ITPR2: variants seen among roughly 807,000 people sequenced by gnomAD.
ITPR2 encodes inositol 1,4,5-trisphosphate-gated calcium channel ITPR2.
ITPR2 carries 207 observed loss-of-function variants against 317.1 expected under a neutral mutation model. The observed-to-expected ratio is 0.65, with a 90% CI of 0.58 to 0.73. ITPR2 has a LOEUF of 0.73. Among genes scored for constraint, ITPR2 ranks in the 30% least tolerant of loss-of-function variants. ITPR2 has a pLI of 0.00. For missense variants in ITPR2, 2,613 were observed against 3,284.0 expected, an observed-to-expected ratio of 0.80 and a Z score of 4.99; for synonymous variants, 1,156 against 1,149.1, an observed-to-expected ratio of 1.01 and a Z score of -0.12.
intron 9 of ITPR2, among the ~76,000 whole-genome samples, chr12:26,707,298 A>G (rs1170874965): frequency 6.6e-6 from 1 of 152,226 alleles, no homozygotes. Context: ...ATCATTCCCA[A>G]TTCTTGCATT....
At chr12:26,513,094 G>T (rs562418941) in intron 37 of ITPR2, among the ~76,000 whole-genome samples, 6 of 152,114 alleles carry the variant, frequency 3.9e-5, no homozygotes, top group Non-Finnish European at 8.8e-5. Context: ...ACCCGCCTAG[G>T]CCTCCCAAAG....
chr12:26,832,656 C>A, intron 1 of ITPR2, 34 bp downstream of exon 1: 1 of 1,495,662 alleles, frequency 6.7e-7, no homozygotes, highest in Non-Finnish European at 9.2e-7. Flanking sequence ...GGACCCGGAG[C>A]GCGAGCGCTG....
chr12:26,704,980 T>C (rs1948523695), intron 9 of ITPR2, among the ~76,000 whole-genome samples: 1 of 152,194 alleles, frequency 6.6e-6, no homozygotes, highest in South Asian at 2.1e-4. Flanking sequence ...AAATTATAAA[T>C]ATGTCTGTTA....
At chr12:26,592,468 C>T (rs893082006) in intron 32 of ITPR2, among the ~76,000 whole-genome samples, 6 of 152,128 alleles carry the variant, frequency 3.9e-5, no homozygotes, top group East Asian at 1.9e-4. Flanking sequence ...ATCCCATTTA[C>T]CTTGATGTGT....
Position 26,722,439 on chromosome 12 carries a change from A to T in ITPR2, c.483T>A (p.Phe161Leu), listed in dbSNP as rs1042977981. 3.7e-6 allele frequency: 6 copies of T among 1,612,804 alleles called. No homozygotes were observed. Among genetic ancestry groups the T allele is most frequent in the Non-Finnish European group, 5.1e-6 (6 of 1,179,290 alleles). ...TCAGTTTCCAGAACGGATGAATATA[A>T]AACCAAGACCCTTCATTTCCTGCAG... The part of the protein sequence containing the change: ...LDAAGNEGSW[F>L]YIHPFWKLRS... The change falls in exon 5 of 57, where the codon TTT becomes TTA. Residue 161 changes from phenylalanine (F) to leucine (L), a missense_variant. This residue lies in a region of ITPR2 where 515 missense variants were observed against 789.4 expected (regional missense o/e 0.65). Transcript: ENST00000381340.
chr12:26,613,245 A>G lies in ITPR2; in HGVS notation c.3462+7878T>C, dbSNP rs538896246. On this transcript the variant is annotated intron_variant, in intron 26 of 56. Transcript: ENST00000381340. ...GAAACATGACAGTTCATTAAGTGTGACCATTCATGTTGCCCCAAACCCAGC... is the reference window on the plus strand; with the variant it reads ...GAAACATGACAGTTCATTAAGTGTGGCCATTCATGTTGCCCCAAACCCAGC... Among the ~76,000 whole-genome samples the G allele has an allele frequency of 2.4e-4, 37 of 152,282 alleles. 1 individual carries two copies. The South Asian group carries it at 7.5e-3, about 31-fold the overall frequency.
intron 2 of ITPR2, among the ~76,000 whole-genome samples, chr12:26,737,298 A>T (rs1321250622): frequency 6.6e-6 from 1 of 150,558 alleles, no homozygotes; most frequent in Non-Finnish European, 1.5e-5. Context: ...TCGCTCTGTC[A>T]CCCAGGCTGG....
intron 37 of ITPR2, among the ~76,000 whole-genome samples, chr12:26,521,749 C>G (rs773698220): frequency 5.9e-5 from 9 of 152,116 alleles, no homozygotes; most frequent in Non-Finnish European, 1.0e-4. Flanking sequence ...GGAAAGGAAA[C>G]AACAACAACA....
At chr12:26,608,403 G>T (rs77199979) in intron 26 of ITPR2, among the ~76,000 whole-genome samples, 6 of 152,150 alleles carry the variant, frequency 3.9e-5, no homozygotes, top group Admixed American at 2.6e-4. Flanking sequence ...CCTCTCCCCG[G>T]GCCCCCCACC....
rs539327094 is a variant in ITPR2 at position 26,461,344 on chromosome 12, G to C, written c.6342+13952C>G. Among the ~76,000 whole-genome samples, 29 of 152,182 alleles carry C rather than the reference G, an allele frequency of 1.9e-4. No homozygotes were observed. In the South Asian group the frequency reaches 5.6e-3, roughly 29 times the overall value. ...GATTATAAAAATAATCTACAGAAGGGTTTGGCCAACTACATACAGCTCCTA... is the reference window on the plus strand; with the variant it reads ...GATTATAAAAATAATCTACAGAAGGCTTTGGCCAACTACATACAGCTCCTA... On this transcript the variant is annotated intron_variant, in intron 45 of 56. Transcript: ENST00000381340.
At chr12:26,652,965 G>A (rs777774055) in intron 21 of ITPR2, among the ~76,000 whole-genome samples, 1 of 152,236 alleles carries the variant, frequency 6.6e-6, no homozygotes, top group Non-Finnish European at 1.5e-5. Context: ...GACAGGCACT[G>A]TTGAAAGTCC....
chr12:26,469,442 A>G (rs145300848), intron 45 of ITPR2, among the ~76,000 whole-genome samples: 47 of 151,646 alleles, frequency 3.1e-4, no homozygotes, highest in African/African-American at 1.1e-3. Context: ...CCCCACCCCC[A>G]TGGTATCCTG....
chr12:26,521,646 G>C (rs1483197413), intron 37 of ITPR2, among the ~76,000 whole-genome samples: 3 of 152,128 alleles, frequency 2.0e-5, no homozygotes, highest in African/African-American at 7.2e-5. Context: ...TTCGTAAAAA[G>C]AGTGGGAGGG....
chr12:26,653,894 G>T, intron 21 of ITPR2, 82 bp downstream of exon 21: 2 of 1,145,764 alleles, frequency 1.7e-6, no homozygotes, highest in Non-Finnish European at 2.6e-6. Flanking sequence ...GTACACAATA[G>T]CAACCCCTTC....
intron 47 of ITPR2, 64 bp from the exon 48 acceptor site, chr12:26,436,410 C>T: frequency 1.4e-6 from 2 of 1,431,432 alleles, no homozygotes; most frequent in Non-Finnish European, 1.9e-6. Flanking sequence ...ACACATGAAG[C>T]TTACCAAAAC....
intron 26 of ITPR2, among the ~76,000 whole-genome samples, chr12:26,620,711 A>G (rs899051324): frequency 6.6e-6 from 1 of 152,160 alleles, no homozygotes; most frequent in Non-Finnish European, 1.5e-5. Context: ...TTTATATATT[A>G]TATAAGGATA....
chr12:26,580,655 T>C (rs1294921740), intron 32 of ITPR2, among the ~76,000 whole-genome samples: 1 of 152,070 alleles, frequency 6.6e-6, no homozygotes, highest in Admixed American at 6.6e-5. Context: ...AGAAGATAAA[T>C]CAAACCCTTC....
chr12:26,598,997 A>G, intron 30 of ITPR2, 148 bp downstream of exon 30: 1 of 663,122 alleles, frequency 1.5e-6, no homozygotes, highest in Non-Finnish European at 2.5e-6. Flanking sequence ...ACTAAATTAA[A>G]GCAAAATATA....
In ITPR2 at chr12:26,481,296, G is replaced by A. The variant is rs190421321; in HGVS notation, c.6013-55C>T. On this transcript the variant is annotated intron_variant, in intron 42 of 56. Transcript: ENST00000381340. ...TTTTATTCACAACAGAATAGCACTA[G>A]AACTAACAGGATATAAAACAACATA... 9.1e-6 allele frequency: 9 copies of A among 985,626 alleles called. No homozygotes were observed. In the East Asian group the frequency reaches 2.2e-4, roughly 24 times the overall value. 61.1% of individuals were successfully genotyped at this position (985,626 alleles called of 1,614,324 possible).
Sources: gnomAD v4.1 joint callset for allele counts (sites outside exome capture counted in the v4.1 genomes callset) on GRCh38, gnomAD v4.1.1 for gene constraint, gnomAD v4.1.1 regional missense constraint, MANE v1.5 for transcripts, NCBI Gene and HGNC (gene_info 2026-07-23, HGNC 2026-07-21) for gene names.